PSORS1C1: variants seen among roughly 807,000 people sequenced by gnomAD.
PSORS1C1 encodes the protein psoriasis susceptibility 1 candidate gene 1 protein.
Under a neutral mutation model 9.4 loss-of-function variants are expected in PSORS1C1, and 7 were observed. That is an observed-to-expected ratio of 0.75 (90% CI 0.42 to 1.40). The LOEUF (loss-of-function observed/expected upper bound fraction) is 1.40, where lower values mean the gene tolerates loss of function less well. Among genes scored for constraint, PSORS1C1 ranks in the 40% most tolerant of loss-of-function variants. The pLI is 0.01. For synonymous variants in PSORS1C1, 63 were observed against 69.4 expected, an observed-to-expected ratio of 0.91 and a Z score of 0.46; for missense variants, 146 against 178.1, an observed-to-expected ratio of 0.82 and a Z score of 1.02.
intron 1 of PSORS1C1, chr6:31,117,038 C>T: frequency 2.5e-6 from 4 of 1,614,220 alleles, no homozygotes; most frequent in Non-Finnish European, 3.4e-6. Flanking sequence ...GAGCTTTGTC[C>T]AGGCTGGGAA....
At chr6:31,123,763 T>C (rs1772562730) in intron 1 of PSORS1C1, among the ~76,000 whole-genome samples, 1 of 152,238 alleles carries the variant, frequency 6.6e-6, no homozygotes, top group Non-Finnish European at 1.5e-5. Flanking sequence ...TGGCCCCCAG[T>C]GCACGCTCCT....
At chr6:31,136,184 C>T (rs566389839) in intron 3 of PSORS1C1, among the ~76,000 whole-genome samples, 10 of 152,112 alleles carry the variant, frequency 6.6e-5, no homozygotes, top group African/African-American at 2.4e-4. Flanking sequence ...ATCAGGAATT[C>T]GAGACCAGCC....
rs1324622816 is a variant in PSORS1C1, at chr6:31,115,204, G to A, written c.-229+313G>A. ...GAGGAACACAGAGACCTCTAGAGGC[G>A]TAGGAAGAGCACCACCCAGACTCTC... On this transcript the variant is annotated intron_variant, in intron 1 of 5. Coordinates refer to ENST00000259881, the MANE Select transcript of PSORS1C1 (RefSeq NM_014068.3). The surrounding 1 kb of genome is among the most constrained non-coding windows in gnomAD (Gnocchi z 4.2). The A allele has an allele frequency of 2.6e-5, 8 of 303,356 alleles. No individual in the cohort carries two copies. The highest frequency in any genetic ancestry group is 1.9e-4 in the East Asian group (2 of 10,770). 18.8% of individuals were successfully genotyped at this position (303,356 alleles called of 1,614,324 possible).
intron 2 of PSORS1C1, among the ~76,000 whole-genome samples, chr6:31,127,901 G>A (rs1030261789): frequency 2.6e-5 from 4 of 152,150 alleles, no homozygotes; most frequent in African/African-American, 9.7e-5. Context: ...ATCACTAGGT[G>A]ACATCCTACT....
At position 31,125,734 on chromosome 6, in the gene PSORS1C1, A is replaced by G. The variant is rs1772652723; in HGVS notation, c.-170A>G. 1 of 152,208 alleles carries G rather than the reference A, an allele frequency of 6.6e-6. No homozygotes were observed. Among genetic ancestry groups the G allele is most frequent in the African/African-American group, 2.4e-5 (1 of 41,436 alleles). 9.4% of individuals were successfully genotyped at this position (152,208 alleles called of 1,614,324 possible). On this transcript the variant is annotated 5_prime_UTR_variant, in exon 2 of 6. Transcript: ENST00000259881. ...GCCCTGACTTCTTGCCTTCGTCTCA[A>G]ATAGACTCTGCAGCCAGCCATCTAT...
At chr6:31,132,128 A>G (rs1284431720) in intron 3 of PSORS1C1, among the ~76,000 whole-genome samples, 1 of 152,196 alleles carries the variant, frequency 6.6e-6, no homozygotes, top group Non-Finnish European at 1.5e-5. Flanking sequence ...TGATCCAGCT[A>G]CTTGGGAGGC....
chr6:31,139,461 T>C lies in PSORS1C1; in HGVS notation c.168-180T>C, dbSNP rs945492631. The C allele has an allele frequency of 4.7e-5, 29 of 618,034 alleles. No individual in the cohort carries two copies. Among genetic ancestry groups the C allele is most frequent in the Non-Finnish European group, 3.1e-5 (11 of 352,880 alleles). 38.3% of individuals were successfully genotyped at this position (618,034 alleles called of 1,614,324 possible). A position where few individuals can be genotyped will look rare whatever the true frequency, so the allele number is the denominator to read the frequency against. On this transcript the variant is annotated intron_variant, in intron 5 of 5. Transcript: ENST00000259881. This position sits in a 1 kb window ranked among gnomAD's most constrained non-coding sequence, Gnocchi z 5.2. ...TTACAGGGTTGGGAGGCAGGATGCCTGCGCTGAGGGAGGAGGTGCTTTTCA... is the reference window on the plus strand; with the variant it reads ...TTACAGGGTTGGGAGGCAGGATGCCCGCGCTGAGGGAGGAGGTGCTTTTCA...
intron 2 of PSORS1C1, among the ~76,000 whole-genome samples, chr6:31,127,081 T>C (rs1299843873): frequency 1.3e-5 from 2 of 152,208 alleles, no homozygotes; most frequent in Non-Finnish European, 2.9e-5. Context: ...TTTTTATTGT[T>C]ACTGGTCACC....
In PSORS1C1 at chr6:31,120,299, G is replaced by A. The variant is rs117114042; in HGVS notation, c.-228-5377G>A. 0.013 allele frequency: 18,955 copies of A among 1,489,030 alleles called. 570 individuals are homozygous for A. The highest frequency in any genetic ancestry group is 0.072 in the South Asian group (5,945 of 83,098). The allele number at this position is 1,489,030 out of a possible 1,614,324, so 92.2% of individuals were successfully genotyped here. ...GGTCCTCTCCCGGAGTCTCCCTCCCGCCTCCCTCCTGTTCCCAGGGCCCCC... is the reference window on the plus strand; with the variant it reads ...GGTCCTCTCCCGGAGTCTCCCTCCCACCTCCCTCCTGTTCCCAGGGCCCCC... On this transcript the variant is annotated intron_variant, in intron 1 of 5. Coordinates refer to ENST00000259881, the MANE Select transcript of PSORS1C1 (RefSeq NM_014068.3).
intron 1 of PSORS1C1, chr6:31,117,261 G>A (rs1426213642): frequency 6.2e-7 from 1 of 1,609,192 alleles, no homozygotes; most frequent in Non-Finnish European, 8.5e-7. Flanking sequence ...CAGATCCGGA[G>A]GAGTAGCTGA....
chr6:31,135,017 T>C (rs1272286870), intron 3 of PSORS1C1, among the ~76,000 whole-genome samples: 1 of 151,890 alleles, frequency 6.6e-6, no homozygotes, highest in Non-Finnish European at 1.5e-5. Flanking sequence ...AGTTTTGCCA[T>C]GTTGCCTAGG....
Position 31,138,683 on chromosome 6 carries a change from C to CCCAG in PSORS1C1, c.73_76dup (p.Leu26ProfsTer4). ...ACACAGACCCCAGCTTTACAAGGACCCCAGCTCCTTAACACAGATCCCAGC... is the reference window on the plus strand; with the variant it reads ...ACACAGACCCCAGCTTTACAAGGACCCCAGCCAGCTCCTTAACACAGATCCCAGC... On this transcript the variant is annotated frameshift_variant, in exon 5 of 6. Transcript: ENST00000259881. LOFTEE classifies it high-confidence loss of function. 6.2e-7 allele frequency: 1 copy of CCCAG among 1,613,312 alleles called. No individual in the cohort carries two copies. Among genetic ancestry groups the CCCAG allele is most frequent in the South Asian group, 1.1e-5 (1 of 91,058 alleles).
chr6:31,125,473 C>T (rs776847740), intron 1 of PSORS1C1, among the ~76,000 whole-genome samples: 32 of 152,322 alleles, frequency 2.1e-4, no homozygotes, highest in Non-Finnish European at 4.0e-4. Context: ...CCACACTCTT[C>T]ACCTGGTTCC....
chr6:31,121,987 C>T (rs1056650220), intron 1 of PSORS1C1, among the ~76,000 whole-genome samples: 1 of 152,140 alleles, frequency 6.6e-6, no homozygotes, highest in Non-Finnish European at 1.5e-5. Flanking sequence ...GAAAGAGGGG[C>T]TGAGGGAGCT....
intron 1 of PSORS1C1, among the ~76,000 whole-genome samples, chr6:31,124,399 A>G (rs1252088304): frequency 2.0e-5 from 3 of 152,230 alleles, no homozygotes; most frequent in African/African-American, 4.8e-5. Context: ...CAACAGCCCT[A>G]CAGGGTAAGT....
Position 31,115,320 on chromosome 6 carries a change from G to T in PSORS1C1, c.-229+429G>T. On this transcript the variant is annotated intron_variant, in intron 1 of 5. Coordinates refer to ENST00000259881, the MANE Select transcript of PSORS1C1 (RefSeq NM_014068.3). The surrounding 1 kb of genome is among the most constrained non-coding windows in gnomAD (Gnocchi z 4.2). ...TCTGTCCAGGATCCAGGGACAGCAG[G>T]GAGCCTGCTTCAACCTCTGAGGGTG... The T allele has an allele frequency of 5.4e-6, 1 of 185,962 alleles. No homozygotes were observed. Among genetic ancestry groups the T allele is most frequent in the Non-Finnish European group, 1.1e-5 (1 of 88,086 alleles). 11.5% of individuals were successfully genotyped at this position (185,962 alleles called of 1,614,324 possible). A position where few individuals can be genotyped will look rare whatever the true frequency, so the allele number is the denominator to read the frequency against.
At chr6:31,138,518 T>A in intron 4 of PSORS1C1, 59 bp downstream of exon 4, 1 of 1,606,894 alleles carries the variant, frequency 6.2e-7, no homozygotes, top group Non-Finnish European at 8.5e-7. Flanking sequence ...CCCCGATGGA[T>A]CTGAACCGTT....
intron 1 of PSORS1C1, chr6:31,116,924 G>C: frequency 6.2e-7 from 1 of 1,614,152 alleles, no homozygotes. Context: ...GAGACGATGG[G>C]CCCTCCACTG....
intron 3 of PSORS1C1, among the ~76,000 whole-genome samples, chr6:31,136,390 CAAA>C (rs11311116): frequency 2.9e-5 from 3 of 102,700 alleles, no homozygotes; most frequent in Admixed American, 1.0e-4. Context: ...TAATACGTCT[CAAA>C]AAAAAAAAAA....
Sources: gnomAD v4.1 joint callset for allele counts (sites outside exome capture counted in the v4.1 genomes callset) on GRCh38, gnomAD v4.1.1 for gene constraint, Gnocchi (gnomAD v3.1) non-coding constraint, MANE v1.5 for transcripts, NCBI Gene and HGNC (gene_info 2026-07-23, HGNC 2026-07-21) for gene names.